The following NCAM1 variants were observed in gnomAD, a reference collection of about 807,000 sequenced individuals.
NCAM1 encodes antigen recognized by monoclonal antibody 5.1H11.
In NCAM1, 14 loss-of-function variants were observed where a neutral mutation model predicts 109.8. That is an observed-to-expected ratio of 0.13 (90% CI 0.08 to 0.20). The LOEUF is 0.20. NCAM1 is among the 10% of genes least tolerant of loss of function. The pLI is 1.00. For synonymous variants in NCAM1, 418 were observed against 442.9 expected (o/e 0.94, Z 0.70); for missense variants, 774 against 1,109.9 (o/e 0.70, Z 4.30).
At chr11:113,123,773 G>T (rs1941067008) in intron 1 of NCAM1, among the ~76,000 whole-genome samples, 1 of 152,194 alleles carries the variant, frequency 6.6e-6, no homozygotes, top group African/African-American at 2.4e-5. Flanking sequence ...TCCGCTCCTG[G>T]TGGTACAGCC....
chr11:113,273,102 G>A lies in NCAM1; in HGVS notation c.2456+1226G>A. On this transcript the variant is annotated intron_variant, in intron 19 of 19. Coordinates refer to ENST00000316851, the MANE Select transcript of NCAM1 (RefSeq NM_181351.5). This position sits in a 1 kb window ranked among gnomAD's most constrained non-coding sequence, Gnocchi z 6.0. ...TGCCCCGCCGGCCACGGCCACGCCT[G>A]ACTCAAACTCTGTACCGGCTGGCCA... 2.2e-6 allele frequency: 1 copy of A among 456,186 alleles called. No individual in the cohort carries two copies. Among genetic ancestry groups the A allele is most frequent in the Non-Finnish European group, 4.4e-6 (1 of 226,588 alleles). 28.3% of individuals were successfully genotyped at this position (456,186 alleles called of 1,614,324 possible). A position where few individuals can be genotyped will look rare whatever the true frequency, so the allele number is the denominator to read the frequency against.
At chr11:113,264,255 T>C in intron 17 of NCAM1, 7 of 985,372 alleles carry the variant, frequency 7.1e-6, no homozygotes, top group Non-Finnish European at 8.4e-6. Flanking sequence ...TCTGTTGTTA[T>C]TATTTTTTAA....
chr11:113,077,438 C>A (rs564246594), intron 1 of NCAM1, among the ~76,000 whole-genome samples: 20 of 152,204 alleles, frequency 1.3e-4, no homozygotes, highest in Non-Finnish European at 2.5e-4. Flanking sequence ...GTATACGCTT[C>A]TTCTCTGAAT....
chr11:113,142,963 T>C (rs1941883818), intron 1 of NCAM1, among the ~76,000 whole-genome samples: 1 of 152,210 alleles, frequency 6.6e-6, no homozygotes, highest in Non-Finnish European at 1.5e-5. Flanking sequence ...TCTATACTTC[T>C]TTTTCTGAAA....
intron 16 of NCAM1, 132 bp from the exon 17 acceptor site, chr11:113,260,014 C>G (rs1945943428): frequency 1.3e-6 from 1 of 794,952 alleles, no homozygotes; most frequent in African/African-American, 1.8e-5. Flanking sequence ...CCCATCATTG[C>G]TTCTTATTTT....
At chr11:113,118,161 T>C (rs1555095259) in intron 1 of NCAM1, among the ~76,000 whole-genome samples, 1 of 151,956 alleles carries the variant, frequency 6.6e-6, no homozygotes, top group East Asian at 1.9e-4. Flanking sequence ...TGAGGTTTCT[T>C]TTTTTAATCA....
At chr11:113,265,778 G>A (rs1293940805) in intron 17 of NCAM1, among the ~76,000 whole-genome samples, 1 of 152,098 alleles carries the variant, frequency 6.6e-6, no homozygotes, top group African/African-American at 2.4e-5. Flanking sequence ...GGAGTCTTGG[G>A]GGTGAAAAGG....
intron 1 of NCAM1, among the ~76,000 whole-genome samples, chr11:113,048,560 C>A (rs532911579): frequency 7.2e-5 from 11 of 152,304 alleles, no homozygotes; most frequent in African/African-American, 1.4e-4. Flanking sequence ...ATCCATCTTG[C>A]GAGGCCTACA....
chr11:113,166,759 GACAC>G (rs1410613426), intron 1 of NCAM1, among the ~76,000 whole-genome samples: 2 of 151,216 alleles, frequency 1.3e-5, no homozygotes, highest in Admixed American at 1.3e-4. Context: ...TTGTCACTGC[GACAC>G]ACACACACAA....
intron 1 of NCAM1, among the ~76,000 whole-genome samples, chr11:113,074,713 C>A (rs1357038327): frequency 6.6e-6 from 1 of 152,060 alleles, no homozygotes. Flanking sequence ...CTTACTGCAA[C>A]CTCCGCCTCC....
chr11:113,017,513 G>A (rs112198376), intron 1 of NCAM1, among the ~76,000 whole-genome samples: 3 of 152,192 alleles, frequency 2.0e-5, no homozygotes, highest in African/African-American at 7.2e-5. Flanking sequence ...GTAATTCCCA[G>A]GGCTGTGGTG....
intron 1 of NCAM1, among the ~76,000 whole-genome samples, chr11:113,157,072 A>G (rs1942434728): frequency 1.3e-5 from 2 of 152,068 alleles, no homozygotes; most frequent in South Asian, 4.1e-4. Context: ...AGTTTGGAAT[A>G]TATATTGCAA....
At chr11:112,992,704 T>C (rs1280881556) in intron 1 of NCAM1, among the ~76,000 whole-genome samples, 2 of 152,094 alleles carry the variant, frequency 1.3e-5, no homozygotes, top group Admixed American at 6.6e-5. Context: ...AGACGGGGTT[T>C]CACTGCATTA....
chr11:113,004,823 AT>A lies in NCAM1; in HGVS notation c.52+43170del, dbSNP rs35826341. Among the ~76,000 whole-genome samples the A allele has an allele frequency of 3.0e-4, 44 of 147,736 alleles. 1 individual carries two copies. Among genetic ancestry groups the A allele is most frequent in the African/African-American group, 4.7e-4 (19 of 40,162 alleles). On this transcript the variant is annotated intron_variant, in intron 1 of 19. Coordinates refer to ENST00000316851, the MANE Select transcript of NCAM1 (RefSeq NM_181351.5). Reference sequence around the variant, plus strand: ...GAAATGTTCTTGTACTGATTCTTTGATTTTTTTTTTTCTGTCTCTGCCTCTT... The same window carrying A: ...GAAATGTTCTTGTACTGATTCTTTGATTTTTTTTTTCTGTCTCTGCCTCTT...
At position 113,149,188 on chromosome 11, in the gene NCAM1, C is replaced by A. The variant is rs1942130630; in HGVS notation, c.53-53191C>A. 2.0e-5 allele frequency among the ~76,000 whole-genome samples: 3 copies of A among 152,152 alleles called. No homozygotes were observed. In the South Asian group the frequency reaches 6.2e-4, roughly 32 times the overall value. On this transcript the variant is annotated intron_variant, in intron 1 of 19. Coordinates refer to ENST00000316851, the MANE Select transcript of NCAM1 (RefSeq NM_181351.5). Reference sequence around the variant, plus strand: ...TCTGCTGGACCCGGGGTGGGGCCTGCCAGCTGGGGGGGCCTTCCTCCAAGA... The same window carrying A: ...TCTGCTGGACCCGGGGTGGGGCCTGACAGCTGGGGGGGCCTTCCTCCAAGA...
intron 1 of NCAM1, among the ~76,000 whole-genome samples, chr11:112,966,103 A>G (rs781790556): frequency 1.3e-5 from 2 of 152,242 alleles, no homozygotes; most frequent in Non-Finnish European, 2.9e-5. Context: ...TCAGTTTAGC[A>G]GTTATAACAT....
intron 1 of NCAM1, among the ~76,000 whole-genome samples, chr11:113,126,604 A>G (rs1386455650): frequency 3.3e-5 from 5 of 152,240 alleles, no homozygotes; most frequent in African/African-American, 7.2e-5. Context: ...TCATAATTGT[A>G]TTCTCAGCGG....
At chr11:112,989,046 C>T (rs538977900) in intron 1 of NCAM1, among the ~76,000 whole-genome samples, 5 of 152,180 alleles carry the variant, frequency 3.3e-5, no homozygotes. Context: ...CTACACCTGG[C>T]TGACTTTTGA....
At chr11:113,071,329 G>A (rs1938250402) in intron 1 of NCAM1, among the ~76,000 whole-genome samples, 1 of 151,524 alleles carries the variant, frequency 6.6e-6, no homozygotes, top group South Asian at 2.1e-4. Flanking sequence ...AGTAAAAACT[G>A]TTTGTCAAGT....
Sources: gnomAD v4.1 joint callset for allele counts (sites outside exome capture counted in the v4.1 genomes callset) on GRCh38, gnomAD v4.1.1 for gene constraint, Gnocchi (gnomAD v3.1) non-coding constraint, MANE v1.5 for transcripts, NCBI Gene and HGNC (gene_info 2026-07-23, HGNC 2026-07-21) for gene names.